Variants in RGL2 observed in about 807,000 individuals in gnomAD.
RGL2 encodes ral guanine nucleotide dissociation stimulator-like 2.
RGL2 carries 40 observed loss-of-function variants against 84.6 expected under a neutral mutation model. The ratio of observed to expected loss-of-function variants is 0.47; its 90% confidence interval spans 0.37 to 0.62. The LOEUF (loss-of-function observed/expected upper bound fraction) is 0.62. RGL2 is among the 20% of genes least tolerant of loss of function. RGL2 has a pLI of 0.00. For missense variants in RGL2, 865 were observed against 1,019.7 expected (o/e 0.85, Z 2.07); for synonymous variants, 369 against 417.3 (o/e 0.88, Z 1.41).
rs768693261 is a variant in RGL2, at chr6:33,296,770, T to C, written c.247A>G (p.Met83Val). The change falls in exon 4 of 18, where the codon ATG (methionine) becomes GTG (valine). Residue 83 changes from methionine (M) to valine (V), a missense_variant. Coordinates refer to ENST00000497454, the MANE Select transcript of RGL2 (RefSeq NM_004761.5). This position sits in a 1 kb window ranked among gnomAD's most constrained non-coding sequence, Gnocchi z 5.0. ...QYRPLDPLVP[M>V]PPPRSSRRLR... ...CGTCGGGAGGAACGTGGGGGAGGCA[T>C]AGGGACCTGGAGAACACAGAGAGAT... 24 of 1,613,780 alleles carry C rather than the reference T, an allele frequency of 1.5e-5. No individual in the cohort carries two copies. Among genetic ancestry groups the C allele is most frequent in the Non-Finnish European group, 1.9e-5 (23 of 1,180,020 alleles).
chr6:33,298,242 A>G lies in RGL2; in HGVS notation c.156+213T>C. 1 of 491,922 alleles carries G rather than the reference A, an allele frequency of 2.0e-6. No homozygotes were observed. The highest frequency in any genetic ancestry group is 3.7e-6 in the Non-Finnish European group (1 of 270,246). 30.5% of individuals were successfully genotyped at this position (491,922 alleles called of 1,614,324 possible). On this transcript the variant is annotated intron_variant, in intron 2 of 17. Transcript: ENST00000497454. This position sits in a 1 kb window ranked among gnomAD's most constrained non-coding sequence, Gnocchi z 4.8. ...CAGCCAGCCAGAAGTTCCAGGCAGG[A>G]ACAGGGCAGGTTCCTGCGGGCAGGT...
rs752166443 is a variant in RGL2, at chr6:33,296,923, A to G, written c.240+109T>C. 1 of 1,478,664 alleles carries G rather than the reference A, an allele frequency of 6.8e-7. No individual in the cohort carries two copies. The highest frequency in any genetic ancestry group is 1.4e-5 in the African/African-American group (1 of 72,068). 91.6% of individuals were successfully genotyped at this position (1,478,664 alleles called of 1,614,324 possible). A position where few individuals can be genotyped will look rare whatever the true frequency, so the allele number is the denominator to read the frequency against. ...AGTCTTGGCCTATGTCACACAGCAG[A>G]GTCCAGGACTCCAGAACTCCAACCT... On this transcript the variant is annotated intron_variant, in intron 3 of 17. Transcript: ENST00000497454. The surrounding 1 kb of genome is among the most constrained non-coding windows in gnomAD (Gnocchi z 5.0).
In RGL2 at chr6:33,292,136, G is replaced by A; in HGVS notation, c.2300C>T (p.Ala767Val). 1 of 1,614,180 alleles carries A rather than the reference G, an allele frequency of 6.2e-7. No homozygotes were observed. Among genetic ancestry groups the A allele is most frequent in the Non-Finnish European group, 8.5e-7 (1 of 1,180,034 alleles). ...TGCCCGTGCAATCTTCCTCCCTGTG[G>A]CCTTGATCCTGGGAAAGGAGCCCCC... is the stretch of plus-strand genomic sequence containing the variant. ...GGGGSFPRIK[A>V]TGRKIARALF is the part of the protein sequence containing the mutation. Residue 767 changes from alanine to valine, a missense_variant, in exon 18 of 18, where the codon GCC (alanine) becomes GTC (valine). Coordinates refer to ENST00000497454, the MANE Select transcript of RGL2 (RefSeq NM_004761.5).
chr6:33,298,788 G>A lies in RGL2; in HGVS notation c.-42+82C>T. The A allele has an allele frequency of 2.0e-6, 1 of 490,434 alleles. No homozygotes were observed. 30.4% of individuals were successfully genotyped at this position (490,434 alleles called of 1,614,324 possible). The stretch of plus-strand genomic sequence containing the variant: ...AGGTTGGGGGAGGGGGCAACAGAAG[G>A]GTGGAATAGGGGGGCCCTTGGTGCT... On this transcript the variant is annotated intron_variant, in intron 1 of 17. Transcript: ENST00000497454. The surrounding 1 kb of genome is among the most constrained non-coding windows in gnomAD (Gnocchi z 4.8).
rs115995016 is a variant in RGL2 at position 33,292,132 on chromosome 6, T to C, written c.2304A>G (p.Thr768=). 1.9e-4 allele frequency: 301 copies of C among 1,614,212 alleles called. 3 individuals carry two copies. In the African/African-American group the frequency reaches 3.4e-3, roughly 18 times the overall value. The change falls in exon 18 of 18, where the codon ACA becomes ACG. Residue 768 remains threonine (T), a synonymous_variant. Transcript: ENST00000497454. ...GGGSFPRIKA[T]GRKIARALF ...ACAGTGCCCGTGCAATCTTCCTCCC[T>C]GTGGCCTTGATCCTGGGAAAGGAGC...
At chr6:33,292,401 G>A (rs376349288) in intron 17 of RGL2, 29 bp downstream of exon 17, 5 of 1,606,896 alleles carry the variant, frequency 3.1e-6, no homozygotes, top group African/African-American at 2.7e-5. Flanking sequence ...CTCTCCTCCC[G>A]AGTCTGCCTT....
intron 16 of RGL2, 86 bp downstream of exon 16, chr6:33,292,930 C>A: frequency 3.3e-6 from 5 of 1,511,922 alleles, no homozygotes; most frequent in Non-Finnish European, 4.5e-6. Context: ...ACATTCAATT[C>A]CATTTGGCTG....
Position 33,295,519 on chromosome 6 carries a change from G to A in RGL2, c.1009C>T (p.Arg337Cys), listed in dbSNP as rs987185141. The A allele has an allele frequency of 1.1e-5, 18 of 1,613,442 alleles. No individual in the cohort carries two copies. Among genetic ancestry groups the A allele is most frequent in the East Asian group, 2.2e-5 (1 of 44,884 alleles). ...ATCTTCTCTCTCACCTCTGCCACGCGGATCCACTTCTCCAGGAGCCGGGCC... is the reference window on the plus strand; with the variant it reads ...ATCTTCTCTCTCACCTCTGCCACGCAGATCCACTTCTCCAGGAGCCGGGCC... ...QRARLLEKWI[R>C]VAEECRLLRN... The change falls in exon 7 of 18, where the codon CGC (arginine) becomes TGC (cysteine). Residue 337 changes from arginine (R) to cysteine (C), a missense_variant. Arg to Cys is a radical substitution (Grantham distance 180). Transcript: ENST00000497454. The surrounding 1 kb of genome is among the most constrained non-coding windows in gnomAD (Gnocchi z 7.2).
At position 33,295,124 on chromosome 6, in the gene RGL2, C is replaced by T. The variant is rs769237790; in HGVS notation, c.1209+3G>A. 7.5e-6 allele frequency: 12 copies of T among 1,606,172 alleles called. No homozygotes were observed. The highest frequency in any genetic ancestry group is 9.4e-6 in the Non-Finnish European group (11 of 1,176,200). ...GTGGGAATGCCACAAACCAGGCTCT[C>T]ACCTGCACGAGCAGCTCCCGACTCT... On this transcript the variant is annotated splice_donor_region_variant and intron_variant, in intron 9 of 17. Coordinates refer to ENST00000497454, the MANE Select transcript of RGL2 (RefSeq NM_004761.5). This position sits in a 1 kb window ranked among gnomAD's most constrained non-coding sequence, Gnocchi z 7.2.
At position 33,296,240 on chromosome 6, in the gene RGL2, C is replaced by T; in HGVS notation, c.556G>A (p.Glu186Lys). 1 of 1,613,550 alleles carries T rather than the reference C, an allele frequency of 6.2e-7. No homozygotes were observed. The highest frequency in any genetic ancestry group is 8.5e-7 in the Non-Finnish European group (1 of 1,179,810). ...SEAKGQLDRLESFLLQTGYAA... is the reference protein window; with the variant it reads ...SEAKGQLDRLKSFLLQTGYAA... ...TACCCTGTCTGAAGTAAGAAGCTCTCAAGCCGGTCAAGCTGACCCTTGGCC... is the reference window on the plus strand; with the variant it reads ...TACCCTGTCTGAAGTAAGAAGCTCTTAAGCCGGTCAAGCTGACCCTTGGCC... Residue 186 changes from glutamate (E) to lysine (K), a missense_variant, in exon 6 of 18, where the codon GAG (glutamate) becomes AAG (lysine). Physicochemically the swap from Glu to Lys is moderately conservative, Grantham distance 56. This residue lies in a region of RGL2 where 455 missense variants were observed against 507.8 expected (regional missense o/e 0.90). Coordinates refer to ENST00000497454, the MANE Select transcript of RGL2 (RefSeq NM_004761.5). The surrounding 1 kb of genome is among the most constrained non-coding windows in gnomAD (Gnocchi z 5.0).
chr6:33,298,790 T>G lies in RGL2; in HGVS notation c.-42+80A>C, dbSNP rs1581726908. The G allele has an allele frequency of 1.8e-5, 6 of 329,664 alleles. No homozygotes were observed. Among genetic ancestry groups the G allele is most frequent in the East Asian group, 5.3e-5 (1 of 18,868 alleles). The allele number at this position is 329,664 out of a possible 1,614,324, so 20.4% of individuals were successfully genotyped here. On this transcript the variant is annotated intron_variant, in intron 1 of 17. Transcript: ENST00000497454. This position sits in a 1 kb window ranked among gnomAD's most constrained non-coding sequence, Gnocchi z 4.8. ...GTTGGGGGAGGGGGCAACAGAAGGGTGGAATAGGGGGGCCCTTGGTGCTGT... is the reference window on the plus strand; with the variant it reads ...GTTGGGGGAGGGGGCAACAGAAGGGGGGAATAGGGGGGCCCTTGGTGCTGT...
At chr6:33,292,886 A>G (rs1326590127) in intron 16 of RGL2, 130 bp downstream of exon 16, 10 of 1,145,302 alleles carry the variant, frequency 8.7e-6, no homozygotes, top group East Asian at 4.8e-5. Flanking sequence ...AAAATAAAAC[A>G]TAACTGCCAA....
At position 33,293,362 on chromosome 6, in the gene RGL2, A is replaced by C. The variant is rs1767620482; in HGVS notation, c.1716+51T>G. On this transcript the variant is annotated intron_variant, in intron 15 of 17. Transcript: ENST00000497454. The surrounding 1 kb of genome is among the most constrained non-coding windows in gnomAD (Gnocchi z 7.0). Reference sequence around the variant, plus strand: ...AGGCAGGGAGGTTTAAGGAAGAAACATTTACAGAGTGAGGGTCAGCGTCAA... The same window carrying C: ...AGGCAGGGAGGTTTAAGGAAGAAACCTTTACAGAGTGAGGGTCAGCGTCAA... The C allele has an allele frequency of 6.3e-7, 1 of 1,590,112 alleles. No homozygotes were observed. The highest frequency in any genetic ancestry group is 1.4e-5 in the African/African-American group (1 of 73,764).
In RGL2 at chr6:33,298,755, C is replaced by A. The variant is rs1581726772; in HGVS notation, c.-41-104G>T. On this transcript the variant is annotated intron_variant, in intron 1 of 17. Transcript: ENST00000497454. This position sits in a 1 kb window ranked among gnomAD's most constrained non-coding sequence, Gnocchi z 4.8. ...GTGTCAAGAAGACCGGAAGGGAGTTCTGCAGGAAGGTTGGGGGAGGGGGCA... is the reference window on the plus strand; with the variant it reads ...GTGTCAAGAAGACCGGAAGGGAGTTATGCAGGAAGGTTGGGGGAGGGGGCA... 5.9e-6 allele frequency: 3 copies of A among 506,736 alleles called. No individual in the cohort carries two copies. The highest frequency in any genetic ancestry group is 1.0e-5 in the Non-Finnish European group (3 of 294,200). 31.4% of individuals were successfully genotyped at this position (506,736 alleles called of 1,614,324 possible). A position where few individuals can be genotyped will look rare whatever the true frequency, so the allele number is the denominator to read the frequency against.
rs1439266666 is a variant in RGL2 at position 33,291,706 on chromosome 6, A to G, written c.*396T>C. The G allele has an allele frequency of 2.9e-6, 1 of 343,254 alleles. No homozygotes were observed. The highest frequency in any genetic ancestry group is 5.4e-6 in the Non-Finnish European group (1 of 186,044). The allele number at this position is 343,254 out of a possible 1,614,324, so 21.3% of individuals were successfully genotyped here. A position where few individuals can be genotyped will look rare whatever the true frequency, so the allele number is the denominator to read the frequency against. ...TATCTTAGTGTTGTCACAGTGATAG[A>G]AACCCCCAGAGTGGGAAGAAGAGCT... On this transcript the variant is annotated 3_prime_UTR_variant, in exon 18 of 18. Coordinates refer to ENST00000497454, the MANE Select transcript of RGL2 (RefSeq NM_004761.5).
rs1767619321 is a variant in RGL2, at chr6:33,293,353, G to A, written c.1717-47C>T. ...CTGGCATGAAGGCAGGGAGGTTTAA[G>A]GAAGAAACATTTACAGAGTGAGGGT... is the stretch of plus-strand genomic sequence containing the variant. On this transcript the variant is annotated intron_variant, in intron 15 of 17. Coordinates refer to ENST00000497454, the MANE Select transcript of RGL2 (RefSeq NM_004761.5). This position sits in a 1 kb window ranked among gnomAD's most constrained non-coding sequence, Gnocchi z 7.0. 6.3e-6 allele frequency: 10 copies of A among 1,581,774 alleles called. No individual in the cohort carries two copies. The highest frequency in any genetic ancestry group is 8.6e-6 in the Non-Finnish European group (10 of 1,165,316).
rs1767966554 is a variant in RGL2, at chr6:33,296,439, T to C, written c.445A>G (p.Thr149Ala). Residue 149 changes from threonine (T) to alanine (A), a missense_variant, in exon 5 of 18, where the codon ACC (threonine) becomes GCC (alanine). Transcript: ENST00000497454. The surrounding 1 kb of genome is among the most constrained non-coding windows in gnomAD (Gnocchi z 5.0). ...DRLEALESHP[T>A]DELERTTEVA... ...TCTGTTGTCCTCTCTAGTTCGTCGG[T>C]AGGATGAGATTCAAGGGCTTCCAGC... 1 of 1,610,954 alleles carries C rather than the reference T, an allele frequency of 6.2e-7. No individual in the cohort carries two copies. Among genetic ancestry groups the C allele is most frequent in the Non-Finnish European group, 8.5e-7 (1 of 1,178,400 alleles).
In RGL2 at chr6:33,296,855, G is replaced by A. The variant is rs1433873148; in HGVS notation, c.241-79C>T. The stretch of plus-strand genomic sequence containing the variant: ...TTTCTGAGGACAATCCCAGACCCAG[G>A]AGATGTTCCAGACTCATTTTTCTGA... On this transcript the variant is annotated intron_variant, in intron 3 of 17. Transcript: ENST00000497454. This position sits in a 1 kb window ranked among gnomAD's most constrained non-coding sequence, Gnocchi z 5.0. 1 of 1,584,448 alleles carries A rather than the reference G, an allele frequency of 6.3e-7. No homozygotes were observed. Among genetic ancestry groups the A allele is most frequent in the Non-Finnish European group, 8.7e-7 (1 of 1,153,400 alleles).
In RGL2 at chr6:33,293,120, TC is replaced by T; in HGVS notation, c.1902del (p.Thr635LeufsTer36). On this transcript the variant is annotated frameshift_variant, in exon 16 of 18. Coordinates refer to ENST00000497454, the MANE Select transcript of RGL2 (RefSeq NM_004761.5). LOFTEE classifies it high-confidence loss of function. This position sits in a 1 kb window ranked among gnomAD's most constrained non-coding sequence, Gnocchi z 7.0. ...CCAGATCCCTCTCCCCCATATCCAGTCCCCCCGGAGGCCTCTTCTGCACCCC... is the reference window on the plus strand; with the variant it reads ...CCAGATCCCTCTCCCCCATATCCAGTCCCCCGGAGGCCTCTTCTGCACCCC... ...LSGGAEEASG[G>X]TGYGGEGSGP... 6.2e-7 allele frequency: 1 copy of T among 1,613,126 alleles called. No homozygotes were observed. Among genetic ancestry groups the T allele is most frequent in the Non-Finnish European group, 8.5e-7 (1 of 1,179,648 alleles).
Sources: gnomAD v4.1 joint callset for allele counts on GRCh38, gnomAD v4.1.1 for gene constraint, gnomAD v4.1.1 regional missense constraint, Gnocchi (gnomAD v3.1) non-coding constraint, MANE v1.5 for transcripts, NCBI Gene and HGNC (gene_info 2026-07-23, HGNC 2026-07-21) for gene names.